The following ANK1 variants were observed in gnomAD, a reference collection of about 807,000 sequenced individuals.
ANK1 encodes the protein ankyrin 1.
Under a neutral mutation model 210.4 loss-of-function variants are expected in ANK1, and 51 were observed. That is an observed-to-expected ratio of 0.24 (90% CI 0.19 to 0.31). ANK1 has a LOEUF of 0.31. Ranked by LOEUF, ANK1 falls within the 10% of genes least tolerant of loss-of-function variation. The probability of loss-of-function intolerance (pLI) is 1.00; values close to 1 mark genes in which losing one functional copy is unlikely to be tolerated. For synonymous variants in ANK1, 967 were observed against 1,025.9 expected (o/e 0.94, Z 1.10); for missense variants, 2,051 against 2,504.4 (o/e 0.82, Z 3.86).
rs751981988 is a variant in ANK1 at position 41,672,848 on chromosome 8, C to T, written c.4602G>A (p.Pro1534=). The T allele has an allele frequency of 8.1e-6, 13 of 1,611,244 alleles. No individual in the cohort carries two copies. Among genetic ancestry groups the T allele is most frequent in the Admixed American group, 6.7e-5 (4 of 59,994 alleles). Residue 1534 remains proline (P), a synonymous_variant, in exon 38 of 43, where the codon CCG becomes CCA. Coordinates refer to ENST00000289734, the MANE Select transcript of ANK1 (RefSeq NM_000037.4). ...PASLGCALSS[P]LRADQYWNEV... is the part of the protein sequence containing the mutation. ...CATTCCAGTACTGGTCTGCACGTAG[C>T]GGAGAGGAAAGTGCACAGCCCAGGG... is the stretch of plus-strand genomic sequence containing the variant.
Position 41,790,985 on chromosome 8 carries a change from C to G in ANK1, c.27+6527G>C, listed in dbSNP as rs1422032424. On this transcript the variant is annotated intron_variant, in intron 1 of 42. Coordinates refer to ENST00000289734, the MANE Select transcript of ANK1 (RefSeq NM_000037.4). ...ACACCCTGGCCCAGCCCAGCTCCCC[C>G]ACCCAGAGGAGAGGTTGCCAGAGTG... Among the ~76,000 whole-genome samples, 4 of 152,164 alleles carry G rather than the reference C, an allele frequency of 2.6e-5. No individual in the cohort carries two copies. The East Asian group carries it at 5.8e-4, about 22-fold the overall frequency.
intron 1 of ANK1, among the ~76,000 whole-genome samples, chr8:41,888,875 C>T (rs1818913167): frequency 6.6e-6 from 1 of 152,254 alleles, no homozygotes; most frequent in East Asian, 1.9e-4. Flanking sequence ...CGGACACCCA[C>T]ATTCCCACTG....
At chr8:41,819,070 ACC>A (rs1478064568) in intron 1 of ANK1, among the ~76,000 whole-genome samples, 1 of 152,124 alleles carries the variant, frequency 6.6e-6, no homozygotes, top group African/African-American at 2.4e-5. Flanking sequence ...TGATGCCCAG[ACC>A]TCACTGGTTT....
At chr8:41,669,825 C>T (rs1811715994) in intron 38 of ANK1, among the ~76,000 whole-genome samples, 1 of 152,230 alleles carries the variant, frequency 6.6e-6, no homozygotes, top group Non-Finnish European at 1.5e-5. Flanking sequence ...GCGCCAGCCT[C>T]CTCTCAAGGC....
At chr8:41,723,829 G>A (rs186344734) in intron 7 of ANK1, among the ~76,000 whole-genome samples, 196 bp from the exon 8 acceptor site, 1 of 143,844 alleles carries the variant, frequency 7.0e-6, no homozygotes, top group Admixed American at 7.1e-5. Context: ...TCGCTCTGTC[G>A]CCCAGGCTGG....
At chr8:41,762,026 C>G (rs148801661) in intron 1 of ANK1, among the ~76,000 whole-genome samples, 151 of 152,340 alleles carry the variant, frequency 9.9e-4, no homozygotes, top group Admixed American at 1.6e-3. Flanking sequence ...GCCAGCCCTC[C>G]CCAACCTCAG....
intron 2 of ANK1, among the ~76,000 whole-genome samples, chr8:41,737,805 G>A (rs1833805003): frequency 6.6e-6 from 1 of 152,208 alleles, no homozygotes; most frequent in Non-Finnish European, 1.5e-5. Flanking sequence ...TGCAATGCCT[G>A]TAAAAAACAC....
intron 1 of ANK1, among the ~76,000 whole-genome samples, chr8:41,850,470 T>C (rs1811038714): frequency 6.6e-6 from 1 of 152,208 alleles, no homozygotes. Flanking sequence ...TCATTTTTAA[T>C]CTGTACTTAT....
intron 3 of ANK1, among the ~76,000 whole-genome samples, chr8:41,730,272 G>A (rs1258189138): frequency 6.6e-6 from 1 of 152,178 alleles, no homozygotes; most frequent in Non-Finnish European, 1.5e-5. Context: ...CTGGGAAGCA[G>A]CTCAGTTCTG....
intron 1 of ANK1, among the ~76,000 whole-genome samples, chr8:41,845,049 C>T (rs1175654797): frequency 2.0e-5 from 3 of 152,214 alleles, no homozygotes; most frequent in Admixed American, 2.0e-4. Context: ...GAAAGAGACA[C>T]TACTCCTGAA....
At chr8:41,731,310 G>T (rs572901711) in intron 3 of ANK1, among the ~76,000 whole-genome samples, 99 of 152,184 alleles carry the variant, frequency 6.5e-4, no homozygotes, top group Non-Finnish European at 4.0e-4. Context: ...CTATTTTCAG[G>T]GGCTCACAGA....
intron 3 of ANK1, among the ~76,000 whole-genome samples, chr8:41,728,647 C>T (rs756592086): frequency 1.1e-4 from 16 of 152,038 alleles, no homozygotes; most frequent in Non-Finnish European, 1.6e-4. Context: ...CTGAGATGTG[C>T]GGTTGAAGGA....
At chr8:41,718,643 A>G (rs565346056) in intron 10 of ANK1, among the ~76,000 whole-genome samples, 1 of 152,324 alleles carries the variant, frequency 6.6e-6, no homozygotes, top group East Asian at 1.9e-4. Flanking sequence ...GTAAACTCTG[A>G]AGGGCAGAAA....
intron 1 of ANK1, among the ~76,000 whole-genome samples, chr8:41,776,190 T>A (rs1188677356): frequency 6.6e-6 from 1 of 152,124 alleles, no homozygotes; most frequent in Non-Finnish European, 1.5e-5. Flanking sequence ...TTCAATATTC[T>A]CCAGTAAGAG....
chr8:41,779,674 C>A (rs1317935985), intron 1 of ANK1, among the ~76,000 whole-genome samples: 1 of 152,186 alleles, frequency 6.6e-6, no homozygotes, highest in Non-Finnish European at 1.5e-5. Flanking sequence ...AAGCATTTTA[C>A]AAGTGTTCAC....
At chr8:41,725,358 A>G (rs996365435) in intron 6 of ANK1, among the ~76,000 whole-genome samples, 34 of 152,338 alleles carry the variant, frequency 2.2e-4, no homozygotes, top group African/African-American at 7.7e-4. Flanking sequence ...AGGTGCACGC[A>G]GGCGTGCAAG....
chr8:41,800,917 A>T (rs1849767388), upstream of ANK1, among the ~76,000 whole-genome samples: 1 of 151,928 alleles, frequency 6.6e-6, no homozygotes, highest in Non-Finnish European at 1.5e-5. Context: ...GTTTCACCTT[A>T]TGGTTGTATC....
intron 42 of ANK1, among the ~76,000 whole-genome samples, chr8:41,657,984 C>T (rs1389773146): frequency 2.0e-5 from 3 of 152,188 alleles, no homozygotes; most frequent in Admixed American, 6.5e-5. Context: ...TGGGCTCAAG[C>T]GATCCTCCCA....
chr8:41,681,995 C>T (rs1272959926), intron 37 of ANK1, among the ~76,000 whole-genome samples: 2 of 152,172 alleles, frequency 1.3e-5, no homozygotes, highest in Non-Finnish European at 2.9e-5. Context: ...CGACTGTGAC[C>T]ATCTGAAATC....
Sources: allele counts gnomAD v4.1 joint callset (sites outside exome capture counted in the v4.1 genomes callset), GRCh38; gene constraint gnomAD v4.1.1; transcripts MANE v1.5; gene names NCBI Gene and HGNC (gene_info 2026-07-23, HGNC 2026-07-21).